Variants in SCP2 observed in about 807,000 individuals in gnomAD.
The protein encoded by SCP2 is sterol carrier protein 2.
A neutral mutation model predicts 71.4 loss-of-function variants in SCP2; 48 were observed. The observed-to-expected ratio is 0.67, with a 90% confidence interval of 0.53 to 0.86. SCP2 has a LOEUF of 0.86. Ranked by LOEUF, SCP2 falls within the 40% of genes least tolerant of loss-of-function variation. The probability of loss-of-function intolerance (pLI) is 0.00; values close to 1 mark genes in which losing one functional copy is unlikely to be tolerated. For missense variants in SCP2, 560 were observed against 655.6 expected (o/e 0.85, Z 1.59); for synonymous variants, 220 against 218.1 (o/e 1.01, Z -0.08).
chr1:52,959,174 CTTCTT>C (rs60486373), intron 5 of SCP2, among the ~76,000 whole-genome samples: 8,207 of 151,330 alleles, frequency 0.054, 368 homozygotes, highest in African/African-American at 0.12. Context: ...GGTCTGGTGA[CTTCTT>C]TTCTTTTCTT....
intron 13 of SCP2, among the ~76,000 whole-genome samples, chr1:53,036,652 G>T (rs568085743): frequency 1.4e-5 from 2 of 146,774 alleles, no homozygotes; most frequent in African/African-American, 5.2e-5. Flanking sequence ...TCCCATTTAA[G>T]ATACATATAT....
chr1:52,985,310 C>T (rs1658888842), intron 10 of SCP2, among the ~76,000 whole-genome samples: 1 of 152,196 alleles, frequency 6.6e-6, no homozygotes, highest in Non-Finnish European at 1.5e-5. Context: ...TCTCCTCCCT[C>T]AGTCTTCCCC....
At chr1:53,000,997 C>G (rs1205585278) in intron 11 of SCP2, among the ~76,000 whole-genome samples, 2 of 151,906 alleles carry the variant, frequency 1.3e-5, no homozygotes, top group Non-Finnish European at 2.9e-5. Flanking sequence ...CATATGTTCT[C>G]TCTCTCTATA....
intron 6 of SCP2, among the ~76,000 whole-genome samples, chr1:52,965,973 T>G (rs1297878529): frequency 6.6e-6 from 1 of 152,230 alleles, no homozygotes; most frequent in East Asian, 1.9e-4. Context: ...ATTAATCTTA[T>G]GACTTGCTAT....
At chr1:52,961,880 C>G (rs1390272721) in intron 6 of SCP2, among the ~76,000 whole-genome samples, 1 of 152,092 alleles carries the variant, frequency 6.6e-6, no homozygotes, top group Non-Finnish European at 1.5e-5. Context: ...TAACACAAAT[C>G]TTGTCTCCTT....
chr1:53,047,823 C>A (rs1336975066), intron 14 of SCP2, 35 bp from the exon 15 acceptor site: 1 of 1,444,314 alleles, frequency 6.9e-7, no homozygotes. Flanking sequence ...TGAACACCTC[C>A]TATTCTCCTT....
At chr1:53,049,425 A>G (rs574570294) in intron 15 of SCP2, 2 of 152,304 alleles carry the variant, frequency 1.3e-5, no homozygotes, top group Middle Eastern at 3.4e-3. Context: ...GAAATCGTTA[A>G]ATGCAGTGGA....
At chr1:52,993,423 C>G (rs1659680049) in intron 11 of SCP2, 29 of 1,614,066 alleles carry the variant, frequency 1.8e-5, no homozygotes, top group Non-Finnish European at 2.5e-5. Flanking sequence ...TGATCCAGAT[C>G]TGCTTTATTA....
intron 5 of SCP2, among the ~76,000 whole-genome samples, chr1:52,956,902 CTTTTTTTTTTT>C (rs370787153): frequency 5.7e-5 from 6 of 105,896 alleles, no homozygotes; most frequent in African/African-American, 1.6e-4. Context: ...CTCCTTCTGC[CTTTTTTTTTTT>C]TTTTTTTTTT....
chr1:52,960,248 T>C (rs1557561503), intron 5 of SCP2, among the ~76,000 whole-genome samples: 1 of 152,088 alleles, frequency 6.6e-6, no homozygotes, highest in Non-Finnish European at 1.5e-5. Context: ...ATTCTGCTCA[T>C]TTTCTATTTC....
At chr1:52,981,090 C>T (rs1012997690) in intron 10 of SCP2, among the ~76,000 whole-genome samples, 1 of 152,132 alleles carries the variant, frequency 6.6e-6, no homozygotes, top group African/African-American at 2.4e-5. Context: ...TGCCAACACG[C>T]CCGGCTAATT....
At chr1:53,005,022 G>A (rs12562231) in intron 11 of SCP2, among the ~76,000 whole-genome samples, 18,173 of 152,172 alleles carry the variant, frequency 0.12, 1,480 homozygotes, top group East Asian at 0.32. Context: ...AGCCTCGCTT[G>A]CTGCTAGCAC....
intron 11 of SCP2, chr1:52,995,347 TC>T (rs1659853359): frequency 2.1e-6 from 1 of 475,608 alleles, no homozygotes; most frequent in African/African-American, 2.0e-5. Context: ...TGACATCTGC[TC>T]CCGCACTTTG....
At position 52,961,489 on chromosome 1, in the gene SCP2, T is replaced by C; in HGVS notation, c.397-14T>C. On this transcript the variant is annotated splice_polypyrimidine_tract_variant and intron_variant, in intron 5 of 15. Transcript: ENST00000371514. ...CATGTCAGCTGCTTATGAAATTTTG[T>C]TCCCCCCTCTTAGTTTTCAGATAGA... 6.2e-7 allele frequency: 1 copy of C among 1,613,254 alleles called. No homozygotes were observed. Among genetic ancestry groups the C allele is most frequent in the East Asian group, 2.2e-5 (1 of 44,806 alleles).
At chr1:52,996,989 T>G (rs1659979923) in intron 11 of SCP2, among the ~76,000 whole-genome samples, 1 of 152,134 alleles carries the variant, frequency 6.6e-6, no homozygotes, top group African/African-American at 2.4e-5. Flanking sequence ...TTTTTTCATA[T>G]TGAAAATGTG....
chr1:52,954,854 G>C (rs1192965600), intron 5 of SCP2, 50 bp downstream of exon 5: 1 of 1,310,542 alleles, frequency 7.6e-7, no homozygotes, highest in South Asian at 1.2e-5. Context: ...TAACCCAAAA[G>C]TTGAAAGGTG....
intron 5 of SCP2, among the ~76,000 whole-genome samples, chr1:52,960,562 G>GTATGTCTATATATGTATATATGTATGTA (rs1656285379): frequency 7.0e-6 from 1 of 143,058 alleles, no homozygotes; most frequent in African/African-American, 2.7e-5. Context: ...GTGTATATAT[G>GTATGTCTATATATGTATATATGTATGTA]TATGTATATA....
At chr1:52,974,915 G>A in intron 7 of SCP2, 83 bp downstream of exon 7, 1 of 770,714 alleles carries the variant, frequency 1.3e-6, no homozygotes, top group Non-Finnish European at 2.4e-6. Flanking sequence ...AAAAGCAAAT[G>A]CCAAGATCTC....
chr1:53,036,562 A>G (rs1233091824), intron 13 of SCP2, among the ~76,000 whole-genome samples: 1 of 149,014 alleles, frequency 6.7e-6, no homozygotes, highest in African/African-American at 2.4e-5. Flanking sequence ...TGTAGCATAT[A>G]TAAATCTTAT....
Sources: gnomAD v4.1 joint callset for allele counts (sites outside exome capture counted in the v4.1 genomes callset) on GRCh38, gnomAD v4.1.1 for gene constraint, MANE v1.5 for transcripts, NCBI Gene and HGNC (gene_info 2026-07-23, HGNC 2026-07-21) for gene names.